ADAP1: variants seen among roughly 807,000 people sequenced by gnomAD.
ADAP1 encodes arf-GAP with dual PH domain-containing protein 1.
In ADAP1, 31 loss-of-function variants were observed where a neutral mutation model predicts 54.9. The observed-to-expected ratio is 0.56, with a 90% CI of 0.42 to 0.76. The LOEUF is 0.76. ADAP1 is among the 30% of genes least tolerant of loss of function. The pLI, the probability that ADAP1 is intolerant of heterozygous loss-of-function variation, is 0.00. For missense variants in ADAP1, 535 were observed against 512.4 expected, an observed-to-expected ratio of 1.04 and a Z score of -0.42; for synonymous variants, 313 against 202.6, an observed-to-expected ratio of 1.55 and a Z score of -4.63.
chr7:929,320 TCTG>T (rs1251838620), intron 2 of ADAP1, among the ~76,000 whole-genome samples: 4 of 150,638 alleles, frequency 2.7e-5, no homozygotes, highest in Admixed American at 6.6e-5. Flanking sequence ...GCAACACAAT[TCTG>T]ACACACGCTA....
chr7:900,813 G>GGGCTGCCCCTCTGCGGGAGGGCAGGTGC, intron 6 of ADAP1, 197 bp from the exon 7 acceptor site: 3 of 647,402 alleles, frequency 4.6e-6, no homozygotes, highest in East Asian at 5.7e-5. Context: ...TGCTACACAG[G>GGGCTGCCCCTCTGCGGGAGGGCAGGTGC]GGCTGCCCCT....
chr7:937,028 G>T (rs992798066), intron 1 of ADAP1, among the ~76,000 whole-genome samples: 1 of 152,176 alleles, frequency 6.6e-6, no homozygotes, highest in East Asian at 1.9e-4. Flanking sequence ...GGGATGGTGC[G>T]TGAGAACCAG....
At chr7:904,724 G>A (rs1845009335) in intron 5 of ADAP1, among the ~76,000 whole-genome samples, 1 of 152,226 alleles carries the variant, frequency 6.6e-6, no homozygotes, top group Non-Finnish European at 1.5e-5. Flanking sequence ...TCTCCCCAGG[G>A]TACCTCCAGG....
intron 6 of ADAP1, among the ~76,000 whole-genome samples, chr7:903,023 G>T (rs942015273): frequency 6.6e-6 from 1 of 152,262 alleles, no homozygotes; most frequent in South Asian, 2.1e-4. Context: ...AAAGACGTAG[G>T]ACCCGGGCAG....
intron 6 of ADAP1, among the ~76,000 whole-genome samples, chr7:903,391 C>T (rs562858239): frequency 3.0e-4 from 45 of 152,082 alleles, no homozygotes; most frequent in East Asian, 5.8e-4. Flanking sequence ...GCAGCGACAC[C>T]GGCAGCTTAT....
intron 4 of ADAP1, 26 bp from the exon 5 acceptor site, chr7:905,198 G>A (rs117185855): frequency 0.019 from 30,075 of 1,584,352 alleles, 357 homozygotes; most frequent in Middle Eastern, 0.045. Flanking sequence ...GACACGAGTC[G>A]GTGACAGTGG....
At chr7:951,628 A>T (rs1482588088) in intron 1 of ADAP1, among the ~76,000 whole-genome samples, 1 of 150,424 alleles carries the variant, frequency 6.6e-6, no homozygotes, top group Non-Finnish European at 1.5e-5. Context: ...CCAGCTACTC[A>T]GGAGGCTGAG....
At chr7:911,459 C>T (rs1845718623) in intron 4 of ADAP1, among the ~76,000 whole-genome samples, 1 of 152,194 alleles carries the variant, frequency 6.6e-6, no homozygotes, top group South Asian at 2.1e-4. Context: ...AGCCCCAAAC[C>T]CTGAGGCCCC....
At chr7:947,886 A>G (rs112886046) in intron 1 of ADAP1, among the ~76,000 whole-genome samples, 4,865 of 150,684 alleles carry the variant, frequency 0.032, 171 homozygotes, top group East Asian at 0.2. Context: ...CCCCACAGCC[A>G]CCTCTGACCC....
chr7:928,562 C>T (rs1846464013), intron 2 of ADAP1, among the ~76,000 whole-genome samples: 1 of 152,204 alleles, frequency 6.6e-6, no homozygotes, highest in Non-Finnish European at 1.5e-5. Flanking sequence ...TTTGATCGGA[C>T]ATTTCTCCAA....
At chr7:904,979 G>C (rs529288242) in intron 5 of ADAP1, 81 bp downstream of exon 5, 56 of 1,250,558 alleles carry the variant, frequency 4.5e-5, no homozygotes, top group Non-Finnish European at 2.5e-5. Flanking sequence ...GCGGATGGAC[G>C]CGGCCACCAC....
intron 1 of ADAP1, among the ~76,000 whole-genome samples, chr7:947,220 T>G (rs1583189756): frequency 1.4e-5 from 2 of 145,726 alleles, no homozygotes; most frequent in South Asian, 2.2e-4. Context: ...TTTGGTTTTT[T>G]TTTTTTTTTT....
intron 1 of ADAP1, among the ~76,000 whole-genome samples, 174 bp from the exon 2 acceptor site, chr7:935,679 C>CG (rs112315238): frequency 0.019 from 2,920 of 150,068 alleles, 102 homozygotes; most frequent in African/African-American, 0.067. Context: ...GCTCCCCCCC[C>CG]GCCCTCTGCC....
Position 899,525 on chromosome 7 carries a change from G to A in ADAP1, c.796-35C>T, listed in dbSNP as rs191229722. On this transcript the variant is annotated intron_variant, in intron 8 of 10. Coordinates refer to ENST00000265846, the MANE Select transcript of ADAP1 (RefSeq NM_006869.4). ...AGAGAGGGCCCGTGACCGGCAGGTC[G>A]CCGAGGCAGGCCCTACATCCAGCTG... 178 of 1,598,476 alleles carry A rather than the reference G, an allele frequency of 1.1e-4. 1 individual carries two copies. In the African/African-American group the frequency reaches 1.5e-3, roughly 13 times the overall value.
intron 3 of ADAP1, among the ~76,000 whole-genome samples, chr7:925,845 AG>A (rs998806511): frequency 1.1e-4 from 17 of 152,284 alleles, no homozygotes; most frequent in African/African-American, 4.1e-4. Flanking sequence ...GAGTCAACGG[AG>A]GGCGGTGCCC....
chr7:947,781 G>A (rs1583190256), intron 1 of ADAP1, among the ~76,000 whole-genome samples: 1 of 151,842 alleles, frequency 6.6e-6, no homozygotes, highest in Non-Finnish European at 1.5e-5. Context: ...GACGCGTCGT[G>A]GGCTGGGACA....
chr7:905,877 GA>G (rs1276531754), intron 4 of ADAP1, among the ~76,000 whole-genome samples: 17 of 18,438 alleles, frequency 9.2e-4, no homozygotes, highest in Admixed American at 1.3e-3. Flanking sequence ...GGAGAAGGGA[GA>G]AAGGAGAAAG....
rs1240928379 is a variant in ADAP1 at position 946,569 on chromosome 7, A to T, written c.82+7827T>A. On this transcript the variant is annotated intron_variant, in intron 1 of 10. Coordinates refer to ENST00000265846, the MANE Select transcript of ADAP1 (RefSeq NM_006869.4). The surrounding 1 kb of genome is among the most constrained non-coding windows in gnomAD (Gnocchi z 4.3). ...GGCTCTGCCCTGCCCCTGCCCTCCCACCCTCTCTCCCTCCTGGTGCTCCAG... is the reference window on the plus strand; with the variant it reads ...GGCTCTGCCCTGCCCCTGCCCTCCCTCCCTCTCTCCCTCCTGGTGCTCCAG... Among the ~76,000 whole-genome samples the T allele has an allele frequency of 4.9e-5, 1 of 20,310 alleles. No individual in the cohort carries two copies. The highest frequency in any genetic ancestry group is 1.1e-4 in the Non-Finnish European group (1 of 9,356). The allele number at this position is 20,310 out of a possible 152,430, so 13.3% of individuals were successfully genotyped here.
chr7:929,786 A>C (rs1420554286), intron 2 of ADAP1, among the ~76,000 whole-genome samples: 6 of 152,024 alleles, frequency 3.9e-5, no homozygotes, highest in Admixed American at 3.3e-4. Flanking sequence ...TGTGGATTAT[A>C]CCTCAACAAA....
Sources: gnomAD v4.1 joint callset for allele counts (sites outside exome capture counted in the v4.1 genomes callset) on GRCh38, gnomAD v4.1.1 for gene constraint, Gnocchi (gnomAD v3.1) non-coding constraint, MANE v1.5 for transcripts, NCBI Gene and HGNC (gene_info 2026-07-23, HGNC 2026-07-21) for gene names.